The following HAPLN1 variants were observed in gnomAD, a reference collection of about 807,000 sequenced individuals.
The protein encoded by HAPLN1 is hyaluronan and proteoglycan link protein 1, also known as Cartilage link protein.
A neutral mutation model predicts 36.5 loss-of-function variants in HAPLN1; 13 were observed. That is an observed-to-expected ratio of 0.36 (90% CI 0.23 to 0.57). HAPLN1 has a LOEUF of 0.57. Ranked by LOEUF, HAPLN1 falls within the 20% of genes least tolerant of loss-of-function variation. HAPLN1 has a pLI of 0.83. For synonymous variants in HAPLN1, 202 were observed against 169.8 expected, an observed-to-expected ratio of 1.19 and a Z score of -1.48; for missense variants, 407 against 439.7, an observed-to-expected ratio of 0.93 and a Z score of 0.66.
chr5:83,685,327 G>A (rs1423157227), intron 1 of HAPLN1, among the ~76,000 whole-genome samples: 1 of 152,104 alleles, frequency 6.6e-6, no homozygotes, highest in Non-Finnish European at 1.5e-5. Context: ...GCTTTGCACT[G>A]CACACTGCAG....
chr5:83,678,880 T>C (rs1047944523), intron 1 of HAPLN1, among the ~76,000 whole-genome samples: 2 of 152,214 alleles, frequency 1.3e-5, no homozygotes, highest in African/African-American at 4.8e-5. Context: ...TGAACTATAG[T>C]TCTCAGATCC....
intron 3 of HAPLN1, among the ~76,000 whole-genome samples, chr5:83,649,879 C>G (rs566285568): frequency 2.0e-4 from 30 of 152,178 alleles, no homozygotes; most frequent in Non-Finnish European, 2.8e-4. Context: ...GAATTCTGTT[C>G]TTGGCACTTG....
intron 2 of HAPLN1, among the ~76,000 whole-genome samples, chr5:83,653,385 C>T (rs1750129605): frequency 6.6e-6 from 1 of 152,132 alleles, no homozygotes. Flanking sequence ...GTCAAATATA[C>T]ACCTGTGTTA....
chr5:83,674,428 C>T (rs142855828), intron 1 of HAPLN1: 13 of 152,284 alleles, frequency 8.5e-5, no homozygotes, highest in African/African-American at 2.6e-4. Flanking sequence ...CTTGCCTGTC[C>T]TTTATTGAAA....
At chr5:83,709,712 T>C (rs986463628) in intron 1 of HAPLN1, among the ~76,000 whole-genome samples, 1 of 152,202 alleles carries the variant, frequency 6.6e-6, no homozygotes, top group African/African-American at 2.4e-5. Context: ...TTGGACCTAA[T>C]TGTCACAGCA....
At chr5:83,648,395 C>CCA (rs1248172103) in intron 3 of HAPLN1, among the ~76,000 whole-genome samples, 718 of 60,632 alleles carry the variant, frequency 0.012, 19 homozygotes, top group African/African-American at 0.04. Context: ...CTATATTTGA[C>CCA]TATATATATA....
intron 1 of HAPLN1, among the ~76,000 whole-genome samples, chr5:83,677,795 C>T (rs751760613): frequency 2.6e-5 from 4 of 152,194 alleles, no homozygotes; most frequent in Non-Finnish European, 5.9e-5. Context: ...AGGACTGCCT[C>T]AAACTTGATT....
chr5:83,689,241 T>C (rs1561318189), intron 1 of HAPLN1, among the ~76,000 whole-genome samples: 1 of 152,142 alleles, frequency 6.6e-6, no homozygotes, highest in Non-Finnish European at 1.5e-5. Flanking sequence ...TCGGTGGATT[T>C]AGCTAAGACC....
chr5:83,698,905 C>T (rs1328253910), intron 1 of HAPLN1, among the ~76,000 whole-genome samples: 7 of 152,082 alleles, frequency 4.6e-5, no homozygotes, highest in African/African-American at 1.2e-4. Flanking sequence ...TTTTCGAATA[C>T]GGTATCGTAT....
intron 3 of HAPLN1, among the ~76,000 whole-genome samples, chr5:83,650,798 C>T (rs1175340656): frequency 1.3e-5 from 2 of 151,568 alleles, no homozygotes; most frequent in Admixed American, 6.6e-5. Flanking sequence ...CCATGCCCGG[C>T]TAATTTTTTG....
At chr5:83,672,339 T>C (rs1043453794) in intron 2 of HAPLN1, among the ~76,000 whole-genome samples, 2 of 152,216 alleles carry the variant, frequency 1.3e-5, no homozygotes, top group East Asian at 1.9e-4. Context: ...GATTCTACTA[T>C]ATATTACAGA....
Position 83,649,438 on chromosome 5 carries a change from T to G in HAPLN1, c.472+3015A>C, listed in dbSNP as rs551399324. Among the ~76,000 whole-genome samples the G allele has an allele frequency of 7.1e-4, 107 of 151,236 alleles. 1 individual carries two copies. The highest frequency in any genetic ancestry group is 5.9e-3 in the South Asian group (28 of 4,748). On this transcript the variant is annotated intron_variant, in intron 3 of 4. Transcript: ENST00000274341. Reference sequence around the variant, plus strand: ...TTCATGGTCCAAATCAAGTATCTGGTTTTTTTTTGTTTGTTTGTTTGTTTT... The same window carrying G: ...TTCATGGTCCAAATCAAGTATCTGGGTTTTTTTTGTTTGTTTGTTTGTTTT...
chr5:83,709,560 G>T (rs1237545846), intron 1 of HAPLN1, among the ~76,000 whole-genome samples: 1 of 152,074 alleles, frequency 6.6e-6, no homozygotes, highest in Non-Finnish European at 1.5e-5. Context: ...AGGGTATGCT[G>T]CATGATGCTG....
intron 1 of HAPLN1, among the ~76,000 whole-genome samples, chr5:83,713,166 G>C (rs1015954912): frequency 6.6e-6 from 1 of 152,106 alleles, no homozygotes; most frequent in African/African-American, 2.4e-5. Context: ...AGTTAGTTCG[G>C]TATTGGACAA....
intron 1 of HAPLN1, among the ~76,000 whole-genome samples, chr5:83,693,158 T>C (rs1367414608): frequency 6.6e-6 from 1 of 151,896 alleles, no homozygotes; most frequent in Non-Finnish European, 1.5e-5. Flanking sequence ...TATTTTGTTT[T>C]ACTATACTCA....
Position 83,652,516 on chromosome 5 carries a change from A to G in HAPLN1, c.409T>C (p.Tyr137His). ...AATCCTTCAATCACCTCACACTTAT[A>G]TCTCCCATAATCTTCCAGAGTGAGG... ...TDLTLEDYGR[Y>H]KCEVIEGLED... is the part of the protein sequence containing the mutation. The change falls in exon 3 of 5, where the codon TAT (tyrosine) becomes CAT (histidine). Residue 137 changes from tyrosine (Y) to histidine (H), a missense_variant. By Grantham distance (83) the Tyr-to-His change is moderately conservative. Coordinates refer to ENST00000274341, the MANE Select transcript of HAPLN1 (RefSeq NM_001884.4). The G allele has an allele frequency of 6.2e-7, 1 of 1,614,116 alleles. No homozygotes were observed. Among genetic ancestry groups the G allele is most frequent in the Non-Finnish European group, 8.5e-7 (1 of 1,179,988 alleles).
At chr5:83,716,756 G>A (rs1447761598) in intron 1 of HAPLN1, among the ~76,000 whole-genome samples, 1 of 152,170 alleles carries the variant, frequency 6.6e-6, no homozygotes, top group African/African-American at 2.4e-5. Flanking sequence ...AGAAGGCTGG[G>A]CATGGTAGCT....
chr5:83,708,560 G>C (rs929117266), intron 1 of HAPLN1, among the ~76,000 whole-genome samples: 2 of 152,164 alleles, frequency 1.3e-5, no homozygotes, highest in African/African-American at 4.8e-5. Flanking sequence ...GGGGTCTGTT[G>C]AGGGTGGAGG....
intron 1 of HAPLN1, among the ~76,000 whole-genome samples, chr5:83,689,465 C>T (rs17206131): frequency 7.0e-4 from 20 of 28,532 alleles, no homozygotes; most frequent in Admixed American, 2.4e-3. Flanking sequence ...TGAACTACAA[C>T]TTTTTTTTCA....
Sources: allele counts gnomAD v4.1 joint callset (sites outside exome capture counted in the v4.1 genomes callset), GRCh38; gene constraint gnomAD v4.1.1; transcripts MANE v1.5; gene names NCBI Gene and HGNC (gene_info 2026-07-23, HGNC 2026-07-21).